LRBA: variants seen among roughly 807,000 people sequenced by gnomAD.
LRBA encodes the protein lipopolysaccharide-responsive and beige-like anchor protein.
Under a neutral mutation model 330.0 loss-of-function variants are expected in LRBA, and 176 were observed. That is an observed-to-expected ratio of 0.53 (90% confidence interval 0.47 to 0.60). The LOEUF is 0.60. Among genes scored for constraint, LRBA ranks in the 20% least tolerant of loss-of-function variants. LRBA has a pLI of 0.00. For synonymous variants in LRBA, 1,230 were observed against 1,193.0 expected, an observed-to-expected ratio of 1.03 and a Z score of -0.64; for missense variants, 3,259 against 3,444.8, an observed-to-expected ratio of 0.95 and a Z score of 1.35.
At chr4:150,596,727 T>C (rs964067721) in intron 38 of LRBA, among the ~76,000 whole-genome samples, 3 of 151,696 alleles carry the variant, frequency 2.0e-5, no homozygotes, top group African/African-American at 4.8e-5. Context: ...CAAATTAAAA[T>C]TGAATGTCAC....
chr4:150,969,007 G>A (rs1739220129), intron 2 of LRBA, among the ~76,000 whole-genome samples: 1 of 152,190 alleles, frequency 6.6e-6, no homozygotes, highest in African/African-American at 2.4e-5. Context: ...AAGCCTGGAT[G>A]ACTGCATATC....
intron 15 of LRBA, among the ~76,000 whole-genome samples, chr4:150,896,994 TAA>T (rs1158625389): frequency 2.4e-5 from 3 of 123,160 alleles, no homozygotes. Context: ...AGCTGCAATC[TAA>T]AAAAAAAAAA....
chr4:150,298,328 TCAG>T (rs1171937395), intron 53 of LRBA, among the ~76,000 whole-genome samples: 1 of 152,060 alleles, frequency 6.6e-6, no homozygotes, highest in African/African-American at 2.4e-5. Flanking sequence ...TCTATGTGTA[TCAG>T]TAGTATTTAT....
Position 150,599,019 on chromosome 4 carries a change from C to T in LRBA, c.6034G>A (p.Ala2012Thr), listed in dbSNP as rs1449827472. ...STHPEATLKT[A>T]VEHATDEDIL... The stretch of plus-strand genomic sequence containing the variant: ...TTTATACACTGACCATGTTCCACGG[C>T]TGTTTTTAGTGTCGCTTCAGGATGT... The change falls in exon 38 of 57, where the codon GCC becomes ACC. Residue 2012 changes from alanine to threonine, a missense_variant. Physicochemically the swap from Ala to Thr is moderately conservative, Grantham distance 58. Coordinates refer to ENST00000651943, the MANE Select transcript of LRBA (RefSeq NM_001364905.1). 2 of 1,614,034 alleles carry T rather than the reference C, an allele frequency of 1.2e-6. No homozygotes were observed. Among genetic ancestry groups the T allele is most frequent in the Non-Finnish European group, 1.7e-6 (2 of 1,179,944 alleles).
intron 52 of LRBA, among the ~76,000 whole-genome samples, chr4:150,303,759 G>C (rs1729990632): frequency 6.6e-6 from 1 of 152,014 alleles, no homozygotes; most frequent in African/African-American, 2.4e-5. Flanking sequence ...ATTTTTAGTA[G>C]AGACGGGGTT....
chr4:150,730,214 T>C (rs188219831), intron 36 of LRBA, among the ~76,000 whole-genome samples: 2 of 152,048 alleles, frequency 1.3e-5, no homozygotes, highest in South Asian at 2.1e-4. Context: ...AGACAACCCA[T>C]AGAATGGAAG....
chr4:150,587,313 T>C (rs1044653061), intron 40 of LRBA, among the ~76,000 whole-genome samples: 3 of 152,142 alleles, frequency 2.0e-5, no homozygotes, highest in Admixed American at 1.3e-4. Context: ...AAATAAATTA[T>C]TCCACTTTTT....
intron 34 of LRBA, among the ~76,000 whole-genome samples, chr4:150,786,508 T>C (rs1739080731): frequency 6.6e-6 from 1 of 152,118 alleles, no homozygotes; most frequent in Admixed American, 6.5e-5. Flanking sequence ...CCTCCCAAAG[T>C]GCTGAGATTA....
intron 47 of LRBA, among the ~76,000 whole-genome samples, chr4:150,377,465 C>G (rs565790954): frequency 5.3e-5 from 8 of 151,958 alleles, no homozygotes; most frequent in Admixed American, 3.3e-4. Context: ...ATTAAAGGAC[C>G]CTTATACTAT....
At chr4:150,277,821 C>A in intron 56 of LRBA, 32 bp downstream of exon 56, 1 of 1,607,872 alleles carries the variant, frequency 6.2e-7, no homozygotes, top group Non-Finnish European at 8.5e-7. Context: ...GTTTTTGAAA[C>A]CCCTATTTGT....
At chr4:150,661,006 A>C (rs1266011736) in intron 37 of LRBA, among the ~76,000 whole-genome samples, 2 of 116,382 alleles carry the variant, frequency 1.7e-5, no homozygotes, top group African/African-American at 6.9e-5. Context: ...CCTTCCCTCC[A>C]CTATTGTCCC....
At chr4:150,475,212 C>T (rs1339901139) in intron 42 of LRBA, among the ~76,000 whole-genome samples, 5 of 152,034 alleles carry the variant, frequency 3.3e-5, no homozygotes, top group East Asian at 1.9e-4. Context: ...GTGTTCAGGA[C>T]GGAAATTGGC....
chr4:151,008,219 T>C (rs1311096455), intron 2 of LRBA, among the ~76,000 whole-genome samples: 1 of 151,880 alleles, frequency 6.6e-6, no homozygotes, highest in Non-Finnish European at 1.5e-5. Flanking sequence ...CAGCTGGGAT[T>C]ACAGGCATGC....
intron 50 of LRBA, among the ~76,000 whole-genome samples, chr4:150,319,456 G>A (rs1461038349): frequency 6.6e-6 from 1 of 151,970 alleles, no homozygotes; most frequent in Non-Finnish European, 1.5e-5. Context: ...TCACCAGCAT[G>A]TTTTTCTTCT....
chr4:150,536,982 T>G (rs1764721455), intron 40 of LRBA, among the ~76,000 whole-genome samples: 1 of 152,212 alleles, frequency 6.6e-6, no homozygotes, highest in African/African-American at 2.4e-5. Context: ...AAATAACTAT[T>G]CTAAAATCAT....
intron 44 of LRBA, among the ~76,000 whole-genome samples, chr4:150,454,568 C>T (rs1753806758): frequency 1.3e-5 from 2 of 151,490 alleles, no homozygotes; most frequent in African/African-American, 4.8e-5. Context: ...CTAATCAAAA[C>T]TTTTATTTTT....
intron 47 of LRBA, among the ~76,000 whole-genome samples, chr4:150,400,671 A>G (rs552091732): frequency 1.3e-5 from 2 of 152,192 alleles, no homozygotes; most frequent in South Asian, 2.1e-4. Flanking sequence ...CTGAGCAAAC[A>G]TTAGGAGACC....
chr4:150,801,821 TG>T (rs1417686169), intron 33 of LRBA, among the ~76,000 whole-genome samples: 3 of 152,026 alleles, frequency 2.0e-5, no homozygotes, highest in African/African-American at 7.2e-5. Flanking sequence ...AGATATTTTT[TG>T]CCTACCCCAA....
intron 38 of LRBA, chr4:150,597,217 G>C (rs1050936414): frequency 4.0e-6 from 2 of 494,126 alleles, no homozygotes; most frequent in African/African-American, 2.0e-5. Flanking sequence ...TAGGATGATA[G>C]TAAAAACATG....
Sources: allele counts gnomAD v4.1 joint callset (sites outside exome capture counted in the v4.1 genomes callset), GRCh38; gene constraint gnomAD v4.1.1; transcripts MANE v1.5; gene names NCBI Gene and HGNC (gene_info 2026-07-23, HGNC 2026-07-21).